The following PCDH11Y variants were observed in gnomAD, a reference collection of about 807,000 sequenced individuals.
The protein encoded by PCDH11Y is protocadherin-11 Y-linked.
For synonymous variants in PCDH11Y, 9 were observed against 83.6 expected (o/e 0.11, Z 4.87); for missense variants, 12 against 224.8 (o/e 0.05, Z 6.05).
intron 3 of PCDH11Y, among the ~76,000 whole-genome samples, chrY:5,574,898 C>G: frequency 3.0e-5 from 1 of 33,214 alleles, no homozygotes; most frequent in Admixed American, 2.7e-4. Context: ...ACAGTGAACT[C>G]ATTTTTGACA....
intron 2 of PCDH11Y, among the ~76,000 whole-genome samples, chrY:5,268,582 G>A (rs2053030823): frequency 3.0e-5 from 1 of 32,950 alleles, no homozygotes; most frequent in African/African-American, 1.2e-4. Flanking sequence ...TAGTCTAGCT[G>A]CTTGGCAATG....
chrY:5,112,519 T>A, intron 2 of PCDH11Y, among the ~76,000 whole-genome samples: 1 of 33,370 alleles, frequency 3.0e-5, no homozygotes, highest in Non-Finnish European at 7.5e-5. Context: ...TAGTTCTCTG[T>A]TAGTCTTCTG....
intron 2 of PCDH11Y, among the ~76,000 whole-genome samples, chrY:5,347,156 C>T: frequency 3.0e-5 from 1 of 33,162 alleles, no homozygotes; most frequent in African/African-American, 1.2e-4. Flanking sequence ...TTAAGAAAAT[C>T]GTAATCTGGG....
chrY:5,625,999 C>G, intron 4 of PCDH11Y, among the ~76,000 whole-genome samples: 1 of 30,945 alleles, frequency 3.2e-5, no homozygotes, highest in Admixed American at 3.0e-4. Flanking sequence ...CTTCTCTATA[C>G]GTATGTTATA....
intron 2 of PCDH11Y, among the ~76,000 whole-genome samples, chrY:5,351,162 T>G: frequency 3.1e-5 from 1 of 32,195 alleles, no homozygotes; most frequent in African/African-American, 1.2e-4. Context: ...TGCACTCCAG[T>G]CTGGGCAACA....
chrY:5,659,086 AG>A (rs2053539027), intron 4 of PCDH11Y, among the ~76,000 whole-genome samples: 1 of 32,829 alleles, frequency 3.0e-5, no homozygotes, highest in Non-Finnish European at 7.5e-5. Context: ...CTGGATTACC[AG>A]GAAGAGTCTC....
chrY:5,198,315 T>A, intron 2 of PCDH11Y, among the ~76,000 whole-genome samples: 1 of 28,770 alleles, frequency 3.5e-5, no homozygotes, highest in Non-Finnish European at 8.1e-5. Context: ...GCCTGGCTAA[T>A]TTTTGTATGT....
intron 2 of PCDH11Y, among the ~76,000 whole-genome samples, chrY:5,142,256 A>C: frequency 3.1e-5 from 1 of 32,604 alleles, no homozygotes; most frequent in Admixed American, 2.8e-4. Context: ...AAAAGTCAGG[A>C]AATCAAACTG....
At chrY:5,284,269 T>C (rs2053057625) in intron 2 of PCDH11Y, among the ~76,000 whole-genome samples, 1 of 32,689 alleles carries the variant, frequency 3.1e-5, no homozygotes, top group Admixed American at 2.9e-4. Context: ...ATTTATATCA[T>C]ACCTGCATAG....
chrY:5,416,703 T>C (rs1602922489), intron 2 of PCDH11Y, among the ~76,000 whole-genome samples: 11 of 31,982 alleles, frequency 3.4e-4, no homozygotes, highest in African/African-American at 8.6e-4. Flanking sequence ...CTAGATGCTC[T>C]AAGATCATTT....
At chrY:5,611,621 CTT>C (rs2053486894) in intron 4 of PCDH11Y, among the ~76,000 whole-genome samples, 13 of 23,392 alleles carry the variant, frequency 5.6e-4, no homozygotes, top group African/African-American at 8.5e-4. Flanking sequence ...TTACTGCTGT[CTT>C]TTTGTTTGTC....
intron 2 of PCDH11Y, among the ~76,000 whole-genome samples, chrY:5,271,542 A>G: frequency 6.5e-5 from 2 of 30,827 alleles, no homozygotes; most frequent in Non-Finnish European, 1.6e-4. Flanking sequence ...ACAAAATTCA[A>G]TTAAGAAAAA....
At chrY:5,424,273 T>C (rs2053261020) in intron 2 of PCDH11Y, among the ~76,000 whole-genome samples, 1 of 33,936 alleles carries the variant, frequency 2.9e-5, no homozygotes, top group East Asian at 7.8e-4. Context: ...AAAGAAAAGT[T>C]TGGTTCAATT....
chrY:5,434,811 T>C, intron 2 of PCDH11Y, among the ~76,000 whole-genome samples: 1 of 33,005 alleles, frequency 3.0e-5, no homozygotes, highest in Non-Finnish European at 7.4e-5. Flanking sequence ...ATTTACAAAT[T>C]TAGAAAAGGA....
chrY:5,287,069 T>C (rs2053061146), intron 2 of PCDH11Y, among the ~76,000 whole-genome samples: 1 of 33,227 alleles, frequency 3.0e-5, no homozygotes, highest in Non-Finnish European at 7.4e-5. Context: ...TGAGGTATGC[T>C]CCTTCAGAGC....
chrY:5,383,134 G>GC (rs2053206869), intron 2 of PCDH11Y, among the ~76,000 whole-genome samples: 2 of 33,123 alleles, frequency 6.0e-5, no homozygotes, highest in Admixed American at 2.8e-4. Context: ...AACTGGGGAG[G>GC]CAGAGGTTGC....
chrY:5,366,864 G>T (rs2053180879), intron 2 of PCDH11Y, among the ~76,000 whole-genome samples: 3 of 31,542 alleles, frequency 9.5e-5, no homozygotes, highest in African/African-American at 3.8e-4. Flanking sequence ...GGGATTACAG[G>T]CATGCGCCAC....
At chrY:5,045,721 C>G (rs2124625567) in intron 3 of PCDH11Y, among the ~76,000 whole-genome samples, 1 of 33,113 alleles carries the variant, frequency 3.0e-5, no homozygotes, top group African/African-American at 1.2e-4. Flanking sequence ...CAACTTGGTT[C>G]CATTCTCCCC....
chrY:5,584,503 G>T, intron 4 of PCDH11Y, among the ~76,000 whole-genome samples: 1 of 30,062 alleles, frequency 3.3e-5, no homozygotes, highest in East Asian at 8.7e-4. Flanking sequence ...ATTGGTATTA[G>T]TTCTTTCTTA....
Sources: gnomAD v4.1 joint callset for allele counts (sites outside exome capture counted in the v4.1 genomes callset) on GRCh38, gnomAD v4.1.1 for gene constraint, MANE v1.5 for transcripts, NCBI Gene and HGNC (gene_info 2026-07-23, HGNC 2026-07-21) for gene names.